The following SOX6 variants were observed in gnomAD, a reference collection of about 807,000 sequenced individuals.
The protein encoded by SOX6 is transcription factor SOX-6.
SOX6 carries 11 observed loss-of-function variants against 97.8 expected under a neutral mutation model. The ratio of observed to expected loss-of-function variants is 0.11; its 90% CI spans 0.07 to 0.19. SOX6 has a LOEUF of 0.19. Among genes scored for constraint, SOX6 ranks in the 10% least tolerant of loss-of-function variants. The pLI, the probability that SOX6 is intolerant of heterozygous loss-of-function variation, is 1.00. For synonymous variants in SOX6, 360 were observed against 371.4 expected, an observed-to-expected ratio of 0.97 and a Z score of 0.35; for missense variants, 810 against 1,039.5, an observed-to-expected ratio of 0.78 and a Z score of 3.04.
intron 1 of SOX6, among the ~76,000 whole-genome samples, chr11:16,446,288 A>C (rs1328174119): frequency 1.3e-5 from 2 of 152,120 alleles, no homozygotes; most frequent in Non-Finnish European, 2.9e-5. Context: ...GGAAAAAGAA[A>C]GAGACAGAAA....
At chr11:16,547,751 T>C (rs968247313) in intron 4 of SOX6, among the ~76,000 whole-genome samples, 1 of 152,252 alleles carries the variant, frequency 6.6e-6, no homozygotes, top group South Asian at 2.1e-4. Context: ...CAACAATGTA[T>C]TGTTTATGTC....
In SOX6 at chr11:16,273,857, A is replaced by G. The variant is rs575630717; in HGVS notation, c.446-39186T>C. Among the ~76,000 whole-genome samples, 8 of 152,236 alleles carry G rather than the reference A, an allele frequency of 5.3e-5. No homozygotes were observed. In the East Asian group the frequency reaches 1.5e-3, roughly 29 times the overall value. ...AAAAGAAAAAGTGAAAAAAAGTCAG[A>G]AAAAGAGAAGCTGTGGTAAAAGAAT... On this transcript the variant is annotated intron_variant, in intron 3 of 15. Transcript: ENST00000683767.
chr11:16,493,649 T>A (rs1357477702), intron 4 of SOX6, among the ~76,000 whole-genome samples: 3 of 152,162 alleles, frequency 2.0e-5, no homozygotes, highest in Non-Finnish European at 4.4e-5. Context: ...TATTCTATAA[T>A]AAAAAGGTTA....
At position 16,094,169 on chromosome 11, in the gene SOX6, G is replaced by A. The variant is rs529516618; in HGVS notation, c.1101+1827C>T. ...CCTGTTTAGCCTAATTAAAGTGACA[G>A]ACACGTGACATATGCTGTGCTTCTA... is the stretch of plus-strand genomic sequence containing the variant. On this transcript the variant is annotated intron_variant, in intron 9 of 15. Transcript: ENST00000683767. Among the ~76,000 whole-genome samples, 341 of 152,066 alleles carry A rather than the reference G, an allele frequency of 2.2e-3. 2 individuals carry two copies. Among genetic ancestry groups the A allele is most frequent in the Non-Finnish European group, 2.6e-3 (176 of 67,916 alleles).
chr11:16,651,302 C>A (rs1342403309), intron 3 of SOX6, among the ~76,000 whole-genome samples: 3 of 151,900 alleles, frequency 2.0e-5, no homozygotes, highest in Non-Finnish European at 4.4e-5. Flanking sequence ...AATTCCAAAA[C>A]CAGGAAAAAA....
At chr11:16,199,136 T>C (rs187235678) in intron 4 of SOX6, among the ~76,000 whole-genome samples, 1 of 152,308 alleles carries the variant, frequency 6.6e-6, no homozygotes, top group Non-Finnish European at 1.5e-5. Flanking sequence ...CCAGAAAGAA[T>C]TGCTTTGAAC....
intron 3 of SOX6, chr11:16,284,039 T>G (rs1339851337): frequency 4.2e-6 from 1 of 236,276 alleles, no homozygotes; most frequent in Non-Finnish European, 8.4e-6. Flanking sequence ...CTTCTTACAT[T>G]AATATTTAGC....
At chr11:16,151,666 A>G (rs554756027) in intron 6 of SOX6, among the ~76,000 whole-genome samples, 1 of 152,298 alleles carries the variant, frequency 6.6e-6, no homozygotes, top group South Asian at 2.1e-4. Context: ...AATCTCTTAC[A>G]TCTGCAAAAA....
chr11:16,395,863 A>T (rs994489670), intron 1 of SOX6, among the ~76,000 whole-genome samples: 4 of 151,820 alleles, frequency 2.6e-5, no homozygotes, highest in African/African-American at 9.7e-5. Flanking sequence ...GTAATATTTT[A>T]TTTCTTATAA....
At chr11:16,382,625 G>A (rs1857858671) in intron 1 of SOX6, among the ~76,000 whole-genome samples, 1 of 151,924 alleles carries the variant, frequency 6.6e-6, no homozygotes. Flanking sequence ...AAAAGGCAGA[G>A]GAAATCTCTC....
chr11:16,071,233 A>T (rs1848217168), intron 9 of SOX6, among the ~76,000 whole-genome samples: 1 of 151,950 alleles, frequency 6.6e-6, no homozygotes, highest in Admixed American at 6.5e-5. Context: ...GAACTCAGCC[A>T]GCAGCTGTAA....
chr11:16,553,544 G>C (rs1407763447), intron 4 of SOX6, among the ~76,000 whole-genome samples: 1 of 151,990 alleles, frequency 6.6e-6, no homozygotes, highest in Non-Finnish European at 1.5e-5. Flanking sequence ...AGGGCAGCCA[G>C]GGATCACTTT....
intron 3 of SOX6, among the ~76,000 whole-genome samples, chr11:16,284,741 C>G (rs1340688221): frequency 6.6e-6 from 1 of 152,092 alleles, no homozygotes; most frequent in Admixed American, 6.6e-5. Context: ...CCACGTATGT[C>G]AGTCTACCCC....
chr11:16,718,101 GC>G (rs1848231808), intron 2 of SOX6, among the ~76,000 whole-genome samples: 1 of 151,598 alleles, frequency 6.6e-6, no homozygotes, highest in African/African-American at 2.4e-5. Context: ...CCTTGAAAGG[GC>G]TTTTTAAATG....
intron 13 of SOX6, among the ~76,000 whole-genome samples, chr11:16,005,102 C>T (rs1436118716): frequency 6.6e-6 from 1 of 151,924 alleles, no homozygotes; most frequent in East Asian, 1.9e-4. Context: ...GTGCTTAACT[C>T]ATATGTGTTC....
chr11:16,134,636 CT>C (rs1207048746), intron 6 of SOX6, among the ~76,000 whole-genome samples: 2 of 152,068 alleles, frequency 1.3e-5, no homozygotes, highest in Admixed American at 6.5e-5. Context: ...ATTATTATAT[CT>C]GTTGTAGTGA....
chr11:16,290,869 T>C (rs1292899366), intron 3 of SOX6, among the ~76,000 whole-genome samples: 1 of 152,066 alleles, frequency 6.6e-6, no homozygotes. Flanking sequence ...AGTTAAATAA[T>C]TTTCAGCTTT....
Position 16,184,107 on chromosome 11 carries a change from T to A in SOX6, c.709-153A>T, listed in dbSNP as rs968386243. On this transcript the variant is annotated intron_variant, in intron 5 of 15. Transcript: ENST00000683767. The stretch of plus-strand genomic sequence containing the variant: ...AGAGAGGCCAAATCAGAAAGATGGA[T>A]GAAAGGAAAAATTTTTAAACAAGTG... Among the ~76,000 whole-genome samples, 5 of 152,166 alleles carry A rather than the reference T, an allele frequency of 3.3e-5. No homozygotes were observed. The South Asian group carries it at 8.3e-4, about 25-fold the overall frequency.
At chr11:16,671,579 ACAGG>A (rs1241442603) in intron 3 of SOX6, among the ~76,000 whole-genome samples, 1 of 152,214 alleles carries the variant, frequency 6.6e-6, no homozygotes, top group East Asian at 1.9e-4. Flanking sequence ...CTGAAATAGG[ACAGG>A]CAGAAAAAAA....
Sources: gnomAD v4.1 joint callset for allele counts (sites outside exome capture counted in the v4.1 genomes callset) on GRCh38, gnomAD v4.1.1 for gene constraint, MANE v1.5 for transcripts, NCBI Gene and HGNC (gene_info 2026-07-23, HGNC 2026-07-21) for gene names.